Variants in OSBPL3 observed in about 807,000 individuals in gnomAD.
OSBPL3 encodes oxysterol-binding protein-related protein 3.
In OSBPL3, 65 loss-of-function variants were observed where a neutral mutation model predicts 120.1. The observed-to-expected ratio is 0.54, with a 90% CI of 0.44 to 0.67. OSBPL3 has a LOEUF of 0.67. Among genes scored for constraint, OSBPL3 ranks in the 30% least tolerant of loss-of-function variants. OSBPL3 has a pLI of 0.00. For missense variants in OSBPL3, 1,004 were observed against 1,082.1 expected, an observed-to-expected ratio of 0.93 and a Z score of 1.01; for synonymous variants, 416 against 402.6, an observed-to-expected ratio of 1.03 and a Z score of -0.40.
At chr7:24,832,738 T>C (rs1796551155) in intron 15 of OSBPL3, among the ~76,000 whole-genome samples, 2 of 152,016 alleles carry the variant, frequency 1.3e-5, no homozygotes, top group Admixed American at 1.3e-4. Context: ...CCTAGTGCCA[T>C]TCATGATGTT....
intron 1 of OSBPL3, among the ~76,000 whole-genome samples, chr7:24,925,705 C>T (rs1187393077): frequency 6.6e-6 from 1 of 152,196 alleles, no homozygotes; most frequent in Non-Finnish European, 1.5e-5. Context: ...CTGTAGCAGA[C>T]AGAATCACTG....
Position 24,872,069 on chromosome 7 carries a change from C to A in OSBPL3, c.97G>T (p.Asp33Tyr). The A allele has an allele frequency of 1.9e-6, 3 of 1,589,488 alleles. No individual in the cohort carries two copies. The highest frequency in any genetic ancestry group is 2.6e-6 in the Non-Finnish European group (3 of 1,157,690). ...AGTCCTTCCACCACTTCCCAGCTGT[C>A]CTGTTCCAACAAAAGAGTTCATGTT... is the stretch of plus-strand genomic sequence containing the variant. ...SCSSKQGSRQ[D>Y]SWEVVEGLRG... Residue 33 changes from aspartate (D) to tyrosine (Y), a missense_variant and splice_region_variant, in exon 3 of 23, where the codon GAC becomes TAC. Asp to Tyr is a radical substitution (Grantham distance 160, BLOSUM62 -3). Transcript: ENST00000313367. This position sits in a 1 kb window ranked among gnomAD's most constrained non-coding sequence, Gnocchi z 4.1.
rs573510986 is a variant in OSBPL3, at chr7:24,968,110, T to G, written c.-150+11776A>C. Among the ~76,000 whole-genome samples the G allele has an allele frequency of 1.3e-5, 2 of 152,220 alleles. No homozygotes were observed. Among genetic ancestry groups the G allele is most frequent in the Admixed American group, 1.3e-4 (2 of 15,286 alleles). Reference sequence around the variant, plus strand: ...AACTTCACACCTATCCTGCCTTCCGTTACCCCTTCCTAGGACAGTCTGATG... The same window carrying G: ...AACTTCACACCTATCCTGCCTTCCGGTACCCCTTCCTAGGACAGTCTGATG... On this transcript the variant is annotated intron_variant, in intron 1 of 22. Transcript: ENST00000313367. The surrounding 1 kb of genome is among the most constrained non-coding windows in gnomAD (Gnocchi z 4.6).
intron 1 of OSBPL3, among the ~76,000 whole-genome samples, chr7:24,934,178 A>G (rs146224270): frequency 2.5e-3 from 382 of 152,300 alleles, no homozygotes; most frequent in Non-Finnish European, 4.8e-3. Flanking sequence ...ATCTCAACAA[A>G]TTTTTATTCA....
At chr7:24,823,965 A>T (rs1345088596) in intron 16 of OSBPL3, among the ~76,000 whole-genome samples, 3 of 152,208 alleles carry the variant, frequency 2.0e-5, no homozygotes, top group Non-Finnish European at 4.4e-5. Flanking sequence ...TTACATTTTA[A>T]TTCAGGCAAA....
chr7:24,812,304 CAAAAAA>C (rs57963279), intron 19 of OSBPL3, among the ~76,000 whole-genome samples: 19 of 97,014 alleles, frequency 2.0e-4, no homozygotes, highest in Admixed American at 3.2e-4. Flanking sequence ...GACTCCATCT[CAAAAAA>C]AAAAAAAAAA....
At chr7:24,839,988 TCAC>T (rs1562804455) in intron 14 of OSBPL3, among the ~76,000 whole-genome samples, 1 of 23,506 alleles carries the variant, frequency 4.3e-5, no homozygotes. Flanking sequence ...AGACTCCATC[TCAC>T]AAAAAAAAAA....
At chr7:24,865,598 C>A in intron 6 of OSBPL3, 133 bp from the exon 7 acceptor site, 2 of 856,562 alleles carry the variant, frequency 2.3e-6, no homozygotes, top group Non-Finnish European at 1.8e-6. Context: ...AAGCTTCTAG[C>A]AAAGTACTAA....
chr7:24,979,985 C>G lies in OSBPL3; in HGVS notation c.-249G>C, dbSNP rs1220799576. 1.0e-6 allele frequency: 1 copy of G among 985,356 alleles called. No individual in the cohort carries two copies. The highest frequency in any genetic ancestry group is 1.1e-4 in the East Asian group (1 of 8,742). The allele number at this position is 985,356 out of a possible 1,614,324, so 61.0% of individuals were successfully genotyped here. A position where few individuals can be genotyped will look rare whatever the true frequency, so the allele number is the denominator to read the frequency against. The stretch of plus-strand genomic sequence containing the variant: ...GAAGGCAACCCCGGCTTCTCCGGTA[C>G]CCCCGCAACGTGCAGCTGACAGCTC... On this transcript the variant is annotated 5_prime_UTR_variant, in exon 1 of 23. Coordinates refer to ENST00000313367, the MANE Select transcript of OSBPL3 (RefSeq NM_015550.4).
Position 24,899,730 on chromosome 7 carries a change from A to AC in OSBPL3, c.-149-7110dup, listed in dbSNP as rs1204029213. 6.6e-6 allele frequency among the ~76,000 whole-genome samples: 1 copy of AC among 152,228 alleles called. No individual in the cohort carries two copies. The highest frequency in any genetic ancestry group is 1.5e-5 in the Non-Finnish European group (1 of 68,040). ...GCATTTCTGCATACAAATGCATACA[A>AC]CCCACTATAAATGCCCATAACTATA... On this transcript the variant is annotated intron_variant, in intron 1 of 22. Coordinates refer to ENST00000313367, the MANE Select transcript of OSBPL3 (RefSeq NM_015550.4). This position sits in a 1 kb window ranked among gnomAD's most constrained non-coding sequence, Gnocchi z 4.0.
In OSBPL3 at chr7:24,818,168, G is replaced by A. The variant is rs535170198; in HGVS notation, c.1949-1480C>T. Among the ~76,000 whole-genome samples the A allele has an allele frequency of 1.3e-5, 2 of 152,208 alleles. No homozygotes were observed. Among genetic ancestry groups the A allele is most frequent in the African/African-American group, 4.8e-5 (2 of 41,520 alleles). ...AAATGGGGCAGGTGGCAGAGGGGGT[G>A]GATAATATTTGCTAAAGAGGATTCT... On this transcript the variant is annotated intron_variant, in intron 17 of 22. Coordinates refer to ENST00000313367, the MANE Select transcript of OSBPL3 (RefSeq NM_015550.4). The surrounding 1 kb of genome is among the most constrained non-coding windows in gnomAD (Gnocchi z 4.0).
intron 10 of OSBPL3, among the ~76,000 whole-genome samples, chr7:24,859,474 C>T (rs1800237058): frequency 6.6e-6 from 1 of 152,106 alleles, no homozygotes; most frequent in Non-Finnish European, 1.5e-5. Context: ...AGGATCATAC[C>T]TATATATTGT....
Position 24,932,790 on chromosome 7 carries a change from A to G in OSBPL3, c.-149-40169T>C, listed in dbSNP as rs1811944199. Among the ~76,000 whole-genome samples, 1 of 152,266 alleles carries G rather than the reference A, an allele frequency of 6.6e-6. No individual in the cohort carries two copies. The highest frequency in any genetic ancestry group is 6.5e-5 in the Admixed American group (1 of 15,290). The stretch of plus-strand genomic sequence containing the variant: ...TAGAGCAGCCCAAATGGACTAAGAC[A>G]GGGGCAAAGACCAAACTGCCTTATA... On this transcript the variant is annotated intron_variant, in intron 1 of 22. Coordinates refer to ENST00000313367, the MANE Select transcript of OSBPL3 (RefSeq NM_015550.4). This position sits in a 1 kb window ranked among gnomAD's most constrained non-coding sequence, Gnocchi z 5.6.
intron 12 of OSBPL3, among the ~76,000 whole-genome samples, chr7:24,846,487 TTC>T (rs1798464475): frequency 6.6e-6 from 1 of 152,254 alleles, no homozygotes; most frequent in African/African-American, 2.4e-5. Context: ...TTAAGTTCCC[TTC>T]TCTTTCAGAC....
rs773997332 is a variant in OSBPL3, at chr7:24,821,379, C to T, written c.1885-1141G>A. On this transcript the variant is annotated intron_variant, in intron 16 of 22. Transcript: ENST00000313367. The surrounding 1 kb of genome is among the most constrained non-coding windows in gnomAD (Gnocchi z 5.5). The stretch of plus-strand genomic sequence containing the variant: ...TTTAAGCAGCTGTACAGTTTTCAGA[C>T]CCGTCTTATCAAGAACCCAGAATAC... 6.6e-6 allele frequency among the ~76,000 whole-genome samples: 1 copy of T among 152,294 alleles called. No individual in the cohort carries two copies. The highest frequency in any genetic ancestry group is 2.1e-4 in the South Asian group (1 of 4,822).
chr7:24,960,540 G>A, intron 1 of OSBPL3, among the ~76,000 whole-genome samples: 1 of 151,970 alleles, frequency 6.6e-6, no homozygotes, highest in East Asian at 1.9e-4. Context: ...TTTCCATTGG[G>A]CTGTGAAATA....
rs1020243621 is a variant in OSBPL3 at position 24,867,259 on chromosome 7, C to T, written c.382-1022G>A. The stretch of plus-strand genomic sequence containing the variant: ...TTAGCACCATTTTTCTTTTTAAACT[C>T]TTTTATAATTCAGACTTTTCAGATT... On this transcript the variant is annotated intron_variant, in intron 5 of 22. Transcript: ENST00000313367. The surrounding 1 kb of genome is among the most constrained non-coding windows in gnomAD (Gnocchi z 4.5). Among the ~76,000 whole-genome samples the T allele has an allele frequency of 6.6e-5, 10 of 152,184 alleles. No individual in the cohort carries two copies. Among genetic ancestry groups the T allele is most frequent in the Admixed American group, 2.0e-4 (3 of 15,284 alleles).
intron 2 of OSBPL3, among the ~76,000 whole-genome samples, chr7:24,882,589 T>A (rs1193454511): frequency 1.3e-5 from 2 of 152,226 alleles, no homozygotes; most frequent in East Asian, 3.8e-4. Flanking sequence ...ATATATTTAT[T>A]TCTTTTCCTT....
In OSBPL3 at chr7:24,896,168, G is replaced by A. The variant is rs889802091; in HGVS notation, c.-149-3547C>T. Among the ~76,000 whole-genome samples the A allele has an allele frequency of 2.0e-5, 3 of 152,180 alleles. No homozygotes were observed. Among genetic ancestry groups the A allele is most frequent in the Non-Finnish European group, 4.4e-5 (3 of 68,034 alleles). ...TTGATGTGTGACAGAATTCGGTTTG[G>A]GATCTGCTTTTGTTTCAACAAACCA... On this transcript the variant is annotated intron_variant, in intron 1 of 22. Transcript: ENST00000313367. This position sits in a 1 kb window ranked among gnomAD's most constrained non-coding sequence, Gnocchi z 4.4.
Sources: gnomAD v4.1 joint callset for allele counts (sites outside exome capture counted in the v4.1 genomes callset) on GRCh38, gnomAD v4.1.1 for gene constraint, Gnocchi (gnomAD v3.1) non-coding constraint, MANE v1.5 for transcripts, NCBI Gene and HGNC (gene_info 2026-07-23, HGNC 2026-07-21) for gene names.